KCNJ4: variants seen among roughly 807,000 people sequenced by gnomAD.
The protein encoded by KCNJ4 is inward rectifier potassium channel 4.
Under a neutral mutation model 25.6 loss-of-function variants are expected in KCNJ4, and 3 were observed. That is an observed-to-expected ratio of 0.12 (90% CI 0.05 to 0.30). The LOEUF (loss-of-function observed/expected upper bound fraction) is 0.30. KCNJ4 is among the 10% of genes least tolerant of loss of function. KCNJ4 has a pLI of 1.00. For synonymous variants in KCNJ4, 257 were observed against 283.9 expected, an observed-to-expected ratio of 0.91 and a Z score of 0.95; for missense variants, 286 against 666.8, an observed-to-expected ratio of 0.43 and a Z score of 6.29.
At position 38,427,415 on chromosome 22, in the gene KCNJ4, G is replaced by A. The variant is rs764333395; in HGVS notation, c.718C>T (p.Arg240Trp). Residue 240 changes from arginine to tryptophan, a missense_variant, in exon 2 of 2, where the codon CGG becomes TGG. Arg to Trp is a moderately radical substitution (Grantham distance 101). Coordinates refer to ENST00000303592, the MANE Select transcript of KCNJ4 (RefSeq NM_152868.3). ...QEGEYLPLDQ[R>W]DLNVGYDIGL... Reference sequence around the variant, plus strand: ...ATGTCATAGCCCACGTTGAGGTCCCGCTGGTCCAGGGGCAGGTACTCGCCC... The same window carrying A: ...ATGTCATAGCCCACGTTGAGGTCCCACTGGTCCAGGGGCAGGTACTCGCCC... 1.2e-6 allele frequency: 2 copies of A among 1,614,006 alleles called. No individual in the cohort carries two copies. Among genetic ancestry groups the A allele is most frequent in the Admixed American group, 1.7e-5 (1 of 60,026 alleles).
At chr22:38,434,507 C>T (rs1477843629) in intron 1 of KCNJ4, among the ~76,000 whole-genome samples, 2 of 152,112 alleles carry the variant, frequency 1.3e-5, no homozygotes, top group Admixed American at 6.6e-5. Context: ...ACAGAGATGC[C>T]GGGGGGTTGA....
intron 1 of KCNJ4, among the ~76,000 whole-genome samples, chr22:38,446,954 CA>C (rs11294836): frequency 0.69 from 92,849 of 133,790 alleles, 31,537 homozygotes; most frequent in East Asian, 0.93. Flanking sequence ...GACTCCATCT[CA>C]AAAAAAAAAA....
rs1319166424 is a variant in KCNJ4 at position 38,455,084 on chromosome 22, G to C, written c.-144C>G. On this transcript the variant is annotated 5_prime_UTR_variant, in exon 1 of 2. Coordinates refer to ENST00000303592, the MANE Select transcript of KCNJ4 (RefSeq NM_152868.3). Reference sequence around the variant, plus strand: ...TCCCGGGCGCGGAAAGGGGAGTCCCGGCGCCCCCTGCCCGCGAACTCGGCC... The same window carrying C: ...TCCCGGGCGCGGAAAGGGGAGTCCCCGCGCCCCCTGCCCGCGAACTCGGCC... 1.3e-5 allele frequency: 2 copies of C among 150,264 alleles called. No individual in the cohort carries two copies. The highest frequency in any genetic ancestry group is 6.6e-5 in the Admixed American group (1 of 15,104). 9.3% of individuals were successfully genotyped at this position (150,264 alleles called of 1,614,324 possible). A position where few individuals can be genotyped will look rare whatever the true frequency, so the allele number is the denominator to read the frequency against.
At chr22:38,432,289 T>A (rs188505237) in intron 1 of KCNJ4, among the ~76,000 whole-genome samples, 5 of 135,778 alleles carry the variant, frequency 3.7e-5, no homozygotes, top group Non-Finnish European at 6.2e-5. Flanking sequence ...ATAAATAAAA[T>A]AAAATAAAAT....
rs558206906 is a variant in KCNJ4 at position 38,449,494 on chromosome 22, C to T, written c.-40+5486G>A. Reference sequence around the variant, plus strand: ...TGCTCTCACCCCAGCCACCAAGCAACGGCACCAGCCATCTGAGCAGCCCTC... The same window carrying T: ...TGCTCTCACCCCAGCCACCAAGCAATGGCACCAGCCATCTGAGCAGCCCTC... On this transcript the variant is annotated intron_variant, in intron 1 of 1. Coordinates refer to ENST00000303592, the MANE Select transcript of KCNJ4 (RefSeq NM_152868.3). The surrounding 1 kb of genome is among the most constrained non-coding windows in gnomAD (Gnocchi z 5.2). 2.4e-4 allele frequency among the ~76,000 whole-genome samples: 36 copies of T among 152,338 alleles called. No homozygotes were observed. The highest frequency in any genetic ancestry group is 2.4e-4 in the Non-Finnish European group (16 of 68,024).
intron 1 of KCNJ4, among the ~76,000 whole-genome samples, chr22:38,433,612 C>T (rs189619628): frequency 2.3e-3 from 350 of 152,308 alleles, no homozygotes; most frequent in Non-Finnish European, 3.7e-3. Flanking sequence ...CCACTGCATC[C>T]GGCTTTCTCT....
At chr22:38,448,164 T>C (rs1310405356) in intron 1 of KCNJ4, among the ~76,000 whole-genome samples, 1 of 150,882 alleles carries the variant, frequency 6.6e-6, no homozygotes, top group Non-Finnish European at 1.5e-5. Flanking sequence ...GAGAATCGCT[T>C]GAACCCGGGA....
intron 1 of KCNJ4, among the ~76,000 whole-genome samples, chr22:38,450,245 G>A (rs1303207590): frequency 6.6e-6 from 1 of 152,064 alleles, no homozygotes; most frequent in Non-Finnish European, 1.5e-5. Context: ...TAGGATTCCC[G>A]CCTGCCCCTT....
At chr22:38,452,202 G>C (rs911423066) in intron 1 of KCNJ4, among the ~76,000 whole-genome samples, 1 of 152,132 alleles carries the variant, frequency 6.6e-6, no homozygotes, top group Non-Finnish European at 1.5e-5. Flanking sequence ...CAGGAGAATC[G>C]CCAAGATCTT....
At chr22:38,435,659 C>G (rs569049279) in intron 1 of KCNJ4, among the ~76,000 whole-genome samples, 2 of 151,004 alleles carry the variant, frequency 1.3e-5, no homozygotes, top group Admixed American at 1.3e-4. Flanking sequence ...TGCCACTGCA[C>G]TCCAGTCTGG....
chr22:38,437,641 C>A (rs543806943), intron 1 of KCNJ4, among the ~76,000 whole-genome samples: 7 of 152,242 alleles, frequency 4.6e-5, no homozygotes, highest in African/African-American at 1.7e-4. Context: ...ATGTGTGTGG[C>A]GTTAAGCAGT....
intron 1 of KCNJ4, among the ~76,000 whole-genome samples, chr22:38,446,037 T>C (rs196084): frequency 0.7 from 106,218 of 152,118 alleles, 37,859 homozygotes; most frequent in East Asian, 0.93. Flanking sequence ...GTTCCAATTT[T>C]TTCCCCGGGT....
rs2089352073 is a variant in KCNJ4 at position 38,443,489 on chromosome 22, T to C, written c.-40+11491A>G. Reference sequence around the variant, plus strand: ...CCCTCTCCTGCCTTCCCCATCTCAGTCTGTGACTCCTCCCAGGAGGTCGCT... The same window carrying C: ...CCCTCTCCTGCCTTCCCCATCTCAGCCTGTGACTCCTCCCAGGAGGTCGCT... On this transcript the variant is annotated intron_variant, in intron 1 of 1. Transcript: ENST00000303592. This position sits in a 1 kb window ranked among gnomAD's most constrained non-coding sequence, Gnocchi z 4.1. 6.6e-6 allele frequency among the ~76,000 whole-genome samples: 1 copy of C among 152,144 alleles called. No individual in the cohort carries two copies. The highest frequency in any genetic ancestry group is 1.5e-5 in the Non-Finnish European group (1 of 68,010).
chr22:38,436,105 G>C (rs2093064698), intron 1 of KCNJ4, among the ~76,000 whole-genome samples: 1 of 152,294 alleles, frequency 6.6e-6, no homozygotes, highest in Admixed American at 6.5e-5. Flanking sequence ...GTGACCTTAT[G>C]CGAGGAACTT....
chr22:38,437,613 G>A (rs1281139369), intron 1 of KCNJ4, among the ~76,000 whole-genome samples: 3 of 152,178 alleles, frequency 2.0e-5, no homozygotes, highest in Non-Finnish European at 2.9e-5. Flanking sequence ...GTAGGCATTT[G>A]CCATCACAGG....
chr22:38,453,217 G>A (rs1346591377), intron 1 of KCNJ4, among the ~76,000 whole-genome samples: 2 of 152,060 alleles, frequency 1.3e-5, no homozygotes, highest in African/African-American at 4.8e-5. Flanking sequence ...GGCTTTCACA[G>A]ACCTGACACA....
At position 38,426,649 on chromosome 22, in the gene KCNJ4, G is replaced by T; in HGVS notation, c.*146C>A. ...CTGGGTGCTGGAGTCAGGAGGAAGG[G>T]GTCCCCCAGTCTTTGAAACCCCCAC... On this transcript the variant is annotated 3_prime_UTR_variant, in exon 2 of 2. Transcript: ENST00000303592. 1 of 1,039,358 alleles carries T rather than the reference G, an allele frequency of 9.6e-7. No homozygotes were observed. The highest frequency in any genetic ancestry group is 1.4e-6 in the Non-Finnish European group (1 of 707,206). 64.4% of individuals were successfully genotyped at this position (1,039,358 alleles called of 1,614,324 possible).
chr22:38,437,465 G>A (rs925113199), intron 1 of KCNJ4, among the ~76,000 whole-genome samples: 6 of 152,180 alleles, frequency 3.9e-5, no homozygotes, highest in East Asian at 1.9e-4. Context: ...CCTCAGTGGC[G>A]GCAGGTGGGG....
At chr22:38,452,201 C>G (rs1411304756) in intron 1 of KCNJ4, among the ~76,000 whole-genome samples, 3 of 152,198 alleles carry the variant, frequency 2.0e-5, no homozygotes, top group East Asian at 1.9e-4. Context: ...TCAGGAGAAT[C>G]GCCAAGATCT....
Sources: gnomAD v4.1 joint callset for allele counts (sites outside exome capture counted in the v4.1 genomes callset) on GRCh38, gnomAD v4.1.1 for gene constraint, Gnocchi (gnomAD v3.1) non-coding constraint, MANE v1.5 for transcripts, NCBI Gene and HGNC (gene_info 2026-07-23, HGNC 2026-07-21) for gene names.